CDH4: variants seen among roughly 807,000 people sequenced by gnomAD.
The protein encoded by CDH4 is cadherin-4.
Under a neutral mutation model 86.0 loss-of-function variants are expected in CDH4, and 33 were observed. That is an observed-to-expected ratio of 0.38 (90% CI 0.29 to 0.51). The LOEUF is 0.51. Ranked by LOEUF, CDH4 falls within the 20% of genes least tolerant of loss-of-function variation. CDH4 has a pLI of 0.86. For missense variants in CDH4, 1,114 were observed against 1,307.4 expected (o/e 0.85, Z 2.28); for synonymous variants, 555 against 549.4 (o/e 1.01, Z -0.14).
chr20:61,727,000 ACCATCAGAG>A, intron 2 of CDH4, among the ~76,000 whole-genome samples: 1 of 151,378 alleles, frequency 6.6e-6, no homozygotes, highest in South Asian at 2.1e-4. Flanking sequence ...CATCATCATC[ACCATCAGAG>A]CCATCACCAT....
chr20:61,354,539 G>C (rs565733899), intron 2 of CDH4, among the ~76,000 whole-genome samples: 1 of 152,208 alleles, frequency 6.6e-6, no homozygotes, highest in Admixed American at 6.5e-5. Context: ...GATGATAATT[G>C]AGGGGAGAGA....
At position 61,392,203 on chromosome 20, in the gene CDH4, G is replaced by T. The variant is rs1408255194; in HGVS notation, c.169+137266G>T. ...GACTCCTCCAGTGGTTTAACGTGCA[G>T]TGTGAGTGGCCTTAACACGGGACCC... On this transcript the variant is annotated intron_variant, in intron 2 of 15. Transcript: ENST00000614565. The surrounding 1 kb of genome is among the most constrained non-coding windows in gnomAD (Gnocchi z 5.7). 6.6e-6 allele frequency among the ~76,000 whole-genome samples: 1 copy of T among 151,726 alleles called. No homozygotes were observed. Among genetic ancestry groups the T allele is most frequent in the East Asian group, 2.0e-4 (1 of 5,112 alleles).
intron 6 of CDH4, among the ~76,000 whole-genome samples, chr20:61,873,242 C>T (rs1345577754): frequency 1.3e-5 from 2 of 152,196 alleles, no homozygotes; most frequent in African/African-American, 2.4e-5. Flanking sequence ...CCACTGTGTC[C>T]TCTGCAGTGT....
chr20:61,893,231 C>A (rs59046020), intron 7 of CDH4, among the ~76,000 whole-genome samples: 4 of 36,366 alleles, frequency 1.1e-4, no homozygotes, highest in East Asian at 1.2e-3. Flanking sequence ...GGATGGGTGA[C>A]CACAGGGATG....
intron 2 of CDH4, among the ~76,000 whole-genome samples, chr20:61,346,389 G>A (rs1290765158): frequency 6.6e-6 from 1 of 152,176 alleles, no homozygotes; most frequent in African/African-American, 2.4e-5. Context: ...CATTCCCACG[G>A]CCATGAGGAG....
intron 2 of CDH4, among the ~76,000 whole-genome samples, chr20:61,420,249 C>G (rs551561813): frequency 6.6e-6 from 1 of 152,188 alleles, no homozygotes; most frequent in South Asian, 2.1e-4. Context: ...TGCGGGGAAA[C>G]GCAGGGAGAG....
In CDH4 at chr20:61,406,356, G is replaced by T. The variant is rs999797226; in HGVS notation, c.169+151419G>T. ...CCCGGACCACCATCTGCTCTGCCTG[G>T]ACCACCATCTGCCATCTGCTCTGCC... On this transcript the variant is annotated intron_variant, in intron 2 of 15. Coordinates refer to ENST00000614565, the MANE Select transcript of CDH4 (RefSeq NM_001794.5). Among the ~76,000 whole-genome samples, 17 of 132,806 alleles carry T rather than the reference G, an allele frequency of 1.3e-4. No individual in the cohort carries two copies. The South Asian group carries it at 2.5e-3, about 19-fold the overall frequency. The allele number at this position is 132,806 out of a possible 152,430, so 87.1% of individuals were successfully genotyped here. A position where few individuals can be genotyped will look rare whatever the true frequency, so the allele number is the denominator to read the frequency against.
intron 5 of CDH4, among the ~76,000 whole-genome samples, chr20:61,848,982 A>C (rs2146107831): frequency 6.6e-6 from 1 of 152,178 alleles, no homozygotes; most frequent in South Asian, 2.1e-4. Context: ...CATTAGTTTT[A>C]TCATCCTCAT....
chr20:61,756,783 A>AG (rs1183373203), intron 3 of CDH4, among the ~76,000 whole-genome samples: 1 of 152,000 alleles, frequency 6.6e-6, no homozygotes, highest in Non-Finnish European at 1.5e-5. Context: ...CTTTAACTGA[A>AG]GGGGGCTACA....
intron 2 of CDH4, among the ~76,000 whole-genome samples, chr20:61,379,335 C>G (rs6121394): frequency 1.3e-5 from 2 of 151,560 alleles, no homozygotes; most frequent in East Asian, 1.9e-4. Context: ...CGGTCACTAA[C>G]AGGGCAGCAG....
At chr20:61,423,775 C>A (rs557042507) in intron 2 of CDH4, among the ~76,000 whole-genome samples, 1 of 152,166 alleles carries the variant, frequency 6.6e-6, no homozygotes, top group Admixed American at 6.5e-5. Flanking sequence ...TCTTGCCTCT[C>A]TCAGCATCCG....
intron 2 of CDH4, among the ~76,000 whole-genome samples, chr20:61,403,496 G>A (rs2085061711): frequency 6.6e-6 from 1 of 152,130 alleles, no homozygotes; most frequent in African/African-American, 2.4e-5. Context: ...CGGATGTTCT[G>A]GAGAGTGGCC....
At chr20:61,498,834 T>C (rs1190887421) in intron 2 of CDH4, among the ~76,000 whole-genome samples, 1 of 152,228 alleles carries the variant, frequency 6.6e-6, no homozygotes, top group Non-Finnish European at 1.5e-5. Context: ...GAAGCCGTCC[T>C]GGGCCGCAAG....
intron 2 of CDH4, among the ~76,000 whole-genome samples, chr20:61,691,337 GTA>G (rs2087651400): frequency 1.3e-5 from 2 of 151,782 alleles, no homozygotes; most frequent in Non-Finnish European, 1.5e-5. Context: ...GTGGATGTGT[GTA>G]TGTGTGTGTA....
chr20:61,373,305 A>G (rs527646420), intron 2 of CDH4, among the ~76,000 whole-genome samples: 1 of 152,278 alleles, frequency 6.6e-6, no homozygotes, highest in South Asian at 2.1e-4. Flanking sequence ...GGCCCAGCAT[A>G]GGCCCCAGCT....
At chr20:61,745,440 G>T (rs994416934) in intron 3 of CDH4, among the ~76,000 whole-genome samples, 1 of 152,202 alleles carries the variant, frequency 6.6e-6, no homozygotes, top group Non-Finnish European at 1.5e-5. Flanking sequence ...AAGAGAAAGT[G>T]TGACTCAGAT....
intron 2 of CDH4, among the ~76,000 whole-genome samples, chr20:61,350,114 C>T (rs1421748720): frequency 6.9e-6 from 1 of 144,488 alleles, no homozygotes; most frequent in African/African-American, 2.6e-5. Flanking sequence ...GACACCTCCC[C>T]CTCCCCCAGT....
intron 7 of CDH4, among the ~76,000 whole-genome samples, chr20:61,882,322 A>G (rs528112815): frequency 2.0e-5 from 3 of 152,256 alleles, no homozygotes; most frequent in South Asian, 2.1e-4. Flanking sequence ...CGGGGATTTC[A>G]TCTGTGCCCT....
intron 2 of CDH4, among the ~76,000 whole-genome samples, chr20:61,301,121 A>G (rs2123204513): frequency 6.6e-6 from 1 of 152,352 alleles, no homozygotes; most frequent in South Asian, 2.1e-4. Context: ...GCCAAAGCCC[A>G]TGGCCCTCAG....
Sources: allele counts gnomAD v4.1 joint callset (sites outside exome capture counted in the v4.1 genomes callset), GRCh38; gene constraint gnomAD v4.1.1; non-coding constraint Gnocchi (gnomAD v3.1); transcripts MANE v1.5; gene names NCBI Gene and HGNC (gene_info 2026-07-23, HGNC 2026-07-21).